SCN9A: variants seen among roughly 807,000 people sequenced by gnomAD.
SCN9A encodes the protein sodium channel protein type 9 subunit alpha.
Under a neutral mutation model 187.0 loss-of-function variants are expected in SCN9A, and 131 were observed. The ratio of observed to expected loss-of-function variants is 0.70; its 90% CI spans 0.61 to 0.81. SCN9A has a LOEUF of 0.81. Among genes scored for constraint, SCN9A ranks in the 30% least tolerant of loss-of-function variants. The pLI is 0.00. For missense variants in SCN9A, 2,252 were observed against 2,396.6 expected (o/e 0.94, Z 1.26); for synonymous variants, 809 against 808.6 (o/e 1.00, Z -0.01).
rs534195406 is a variant in SCN9A, at chr2:166,214,600, C to T, written c.4399-10136G>A. ...CGCAATCTCGGCTCACTGCAAGCTC[C>T]GCCTCCCGGGTTCATGCCATTCTCC... is the stretch of plus-strand genomic sequence containing the variant. On this transcript the variant is annotated intron_variant, in intron 24 of 26. Transcript: ENST00000642356. Among the ~76,000 whole-genome samples, 887 of 130,772 alleles carry T rather than the reference C, an allele frequency of 6.8e-3. 5 individuals are homozygous for T. Among genetic ancestry groups the T allele is most frequent in the Non-Finnish European group, 9.2e-3 (583 of 63,702 alleles). The allele number at this position is 130,772 out of a possible 152,430, so 85.8% of individuals were successfully genotyped here.
intron 1 of SCN9A, among the ~76,000 whole-genome samples, chr2:166,345,265 G>A (rs1699872941): frequency 6.6e-6 from 1 of 151,954 alleles, no homozygotes. Flanking sequence ...ATTTCTTCAG[G>A]ACATCATGAC....
chr2:166,317,274 C>T (rs902187934), intron 1 of SCN9A, among the ~76,000 whole-genome samples: 13 of 151,780 alleles, frequency 8.6e-5, no homozygotes, highest in Non-Finnish European at 1.8e-4. Flanking sequence ...TTTATATAGT[C>T]AATGAAATCA....
chr2:166,255,623 T>C (rs1428053501), intron 17 of SCN9A, among the ~76,000 whole-genome samples: 2 of 151,438 alleles, frequency 1.3e-5, no homozygotes, highest in Non-Finnish European at 3.0e-5. Context: ...AAGAGAATGA[T>C]TGATGCTGAA....
chr2:166,248,790 A>C (rs924478747), intron 18 of SCN9A, among the ~76,000 whole-genome samples: 2 of 151,918 alleles, frequency 1.3e-5, no homozygotes, highest in African/African-American at 4.8e-5. Context: ...CCTCAGCCTC[A>C]CAAGTAGCTG....
In SCN9A at chr2:166,286,634, C is replaced by G; in HGVS notation, c.1315-11G>C. Reference sequence around the variant, plus strand: ...TGCCGCTGCAATTGCCTGGTTGGGCCAAGACGTTAACACTTAAATGAGTCA... The same window carrying G: ...TGCCGCTGCAATTGCCTGGTTGGGCGAAGACGTTAACACTTAAATGAGTCA... On this transcript the variant is annotated splice_polypyrimidine_tract_variant and intron_variant, in intron 10 of 26. Transcript: ENST00000642356. 1 of 1,515,104 alleles carries G rather than the reference C, an allele frequency of 6.6e-7. No homozygotes were observed. The highest frequency in any genetic ancestry group is 8.8e-7 in the Non-Finnish European group (1 of 1,137,350). The allele number at this position is 1,515,104 out of a possible 1,614,324, so 93.9% of individuals were successfully genotyped here.
chr2:166,273,616 A>AT (rs1377675865), intron 16 of SCN9A, among the ~76,000 whole-genome samples: 13 of 151,010 alleles, frequency 8.6e-5, no homozygotes, highest in African/African-American at 1.9e-4. Context: ...TGAGTTAATT[A>AT]TTTTTTTTTC....
chr2:166,307,653 A>G (rs1330191013), intron 2 of SCN9A, among the ~76,000 whole-genome samples: 1 of 152,210 alleles, frequency 6.6e-6, no homozygotes, highest in Non-Finnish European at 1.5e-5. Context: ...AGCTTTTAAA[A>G]GGGACTTAAA....
chr2:166,230,815 A>T (rs1695050359), intron 21 of SCN9A, among the ~76,000 whole-genome samples: 1 of 152,106 alleles, frequency 6.6e-6, no homozygotes, highest in Non-Finnish European at 1.5e-5. Context: ...TGGTGTTTAA[A>T]ATGTTTTTCT....
rs1323162486 is a variant in SCN9A at position 166,228,849 on chromosome 2, A to T, written c.4048T>A (p.Cys1350Ser). 6.2e-7 allele frequency: 1 copy of T among 1,613,876 alleles called. No individual in the cohort carries two copies. ...VNLFAGKFYE[C>S]INTTDGSRFP... ...CGTGACCCATCTGTGGTGTTAATAC[A>T]CTCATAGAACTTGCCAGCAAACAAA... is the stretch of plus-strand genomic sequence containing the variant. Residue 1350 changes from cysteine (C) to serine (S), a missense_variant, in exon 22 of 27, where the codon TGT (cysteine) becomes AGT (serine). By Grantham distance (112) the Cys-to-Ser change is moderately radical (BLOSUM62 -1). Around this residue, in one of 7 missense-constraint regions of SCN9A, gnomAD observed 368 missense variants for 408.6 expected, o/e 0.90. Transcript: ENST00000642356.
rs1197531311 is a variant in SCN9A, at chr2:166,212,399, CATAAA to C, written c.4399-7940_4399-7936del. On this transcript the variant is annotated intron_variant, in intron 24 of 26. Coordinates refer to ENST00000642356, the MANE Select transcript of SCN9A (RefSeq NM_001365536.1). The stretch of plus-strand genomic sequence containing the variant: ...AACTGTCACAAGAGACAAAGTAGGT[CATAAA>C]ATAAGATAAAAGAGTTAATTCATCA... Among the ~76,000 whole-genome samples the C allele has an allele frequency of 3.9e-5, 6 of 152,044 alleles. No individual in the cohort carries two copies. The South Asian group carries it at 1.0e-3, about 26-fold the overall frequency.
intron 1 of SCN9A, among the ~76,000 whole-genome samples, chr2:166,367,461 T>C (rs1258926625): frequency 6.6e-6 from 1 of 152,092 alleles, no homozygotes; most frequent in African/African-American, 2.4e-5. Context: ...AGATGGGGTT[T>C]CACTATGTTG....
At chr2:166,215,542 A>G (rs532156929) in intron 24 of SCN9A, among the ~76,000 whole-genome samples, 13 of 152,152 alleles carry the variant, frequency 8.5e-5, no homozygotes, top group African/African-American at 3.1e-4. Context: ...GGGAAAAAAG[A>G]CAACTCAAAC....
chr2:166,217,230 T>C (rs1433209616), intron 24 of SCN9A, among the ~76,000 whole-genome samples: 2 of 151,934 alleles, frequency 1.3e-5, no homozygotes, highest in African/African-American at 4.8e-5. Context: ...AAGACTTAAA[T>C]ATAAGAAATG....
chr2:166,325,979 TA>T (rs1232072249), intron 1 of SCN9A, among the ~76,000 whole-genome samples: 1 of 152,110 alleles, frequency 6.6e-6, no homozygotes, highest in Non-Finnish European at 1.5e-5. Flanking sequence ...CTTCCCATGA[TA>T]AAAGAGAAAT....
At chr2:166,223,797 T>G (rs1409539450) in intron 24 of SCN9A, among the ~76,000 whole-genome samples, 3 of 152,214 alleles carry the variant, frequency 2.0e-5, no homozygotes, top group African/African-American at 4.8e-5. Context: ...TTGTTTTTTT[T>G]CTTTGGAATA....
chr2:166,326,164 A>C (rs1192479501), intron 1 of SCN9A, among the ~76,000 whole-genome samples: 1 of 152,198 alleles, frequency 6.6e-6, no homozygotes, highest in Non-Finnish European at 1.5e-5. Flanking sequence ...GAATAAGTGA[A>C]ATATCAAGAT....
rs1574972199 is a variant in SCN9A, at chr2:166,368,164, C to A, written c.-51+7533G>T. ...TTGGAAAGGTTAGGTAATTTCTGAG[C>A]CTTAGTGTTCTCACCTCAAATGGTG... On this transcript the variant is annotated intron_variant, in intron 1 of 26. Transcript: ENST00000642356. Among the ~76,000 whole-genome samples the A allele has an allele frequency of 2.0e-5, 3 of 152,180 alleles. No homozygotes were observed. In the East Asian group the frequency reaches 5.8e-4, roughly 29 times the overall value.
At chr2:166,214,640 G>A (rs1377388050) in intron 24 of SCN9A, among the ~76,000 whole-genome samples, 4 of 144,962 alleles carry the variant, frequency 2.8e-5, no homozygotes, top group Non-Finnish European at 3.0e-5. Context: ...TCAGCCTCCC[G>A]AGTAGCTGGG....
At chr2:166,272,018 ACT>A (rs1482156988) in intron 17 of SCN9A, among the ~76,000 whole-genome samples, 1 of 152,012 alleles carries the variant, frequency 6.6e-6, no homozygotes, top group East Asian at 1.9e-4. Context: ...ATCAGTTGAG[ACT>A]CTGCTTGAAA....
Sources: gnomAD v4.1 joint callset for allele counts (sites outside exome capture counted in the v4.1 genomes callset) on GRCh38, gnomAD v4.1.1 for gene constraint, gnomAD v4.1.1 regional missense constraint, MANE v1.5 for transcripts, NCBI Gene and HGNC (gene_info 2026-07-23, HGNC 2026-07-21) for gene names.